The following BPTF variants were observed in gnomAD, a reference collection of about 807,000 sequenced individuals.
BPTF encodes the protein bromodomain PHD finger transcription factor.
A neutral mutation model predicts 292.5 loss-of-function variants in BPTF; 18 were observed. The observed-to-expected ratio is 0.06, with a 90% CI of 0.04 to 0.09. BPTF has a LOEUF of 0.09. Among genes scored for constraint, BPTF ranks in the 10% least tolerant of loss-of-function variants. BPTF has a pLI of 1.00. For synonymous variants in BPTF, 1,225 were observed against 1,251.9 expected, an observed-to-expected ratio of 0.98 and a Z score of 0.45; for missense variants, 2,726 against 3,498.7, an observed-to-expected ratio of 0.78 and a Z score of 5.57.
At chr17:67,881,027 A>G (rs2060368603) in intron 4 of BPTF, among the ~76,000 whole-genome samples, 1 of 152,028 alleles carries the variant, frequency 6.6e-6, no homozygotes, top group Admixed American at 6.6e-5. Context: ...TTGAAATAAA[A>G]TCTTGTCAGA....
rs773860490 is a variant in BPTF, at chr17:67,909,752, A to G, written c.2983A>G (p.Lys995Glu). 4 of 1,568,792 alleles carry G rather than the reference A, an allele frequency of 2.5e-6. No homozygotes were observed. Among genetic ancestry groups the G allele is most frequent in the African/African-American group, 1.4e-5 (1 of 72,616 alleles). Residue 995 changes from lysine to glutamate, a missense_variant, in exon 10 of 28, where the codon AAG (lysine) becomes GAG (glutamate). Transcript: ENST00000306378. Reference protein sequence around the residue: ...EMDISKITEKKDQDVKELLDS... With the variant: ...EMDISKITEKEDQDVKELLDS... Reference sequence around the variant, plus strand: ...GGATATCTCAAAGATTACTGAGAAGAAGGACCAAGGTAAGGAGAGTCAGCT... The same window carrying G: ...GGATATCTCAAAGATTACTGAGAAGGAGGACCAAGGTAAGGAGAGTCAGCT...
chr17:67,974,822 C>T (rs1555692956), intron 26 of BPTF: 1 of 152,290 alleles, frequency 6.6e-6, no homozygotes, highest in Admixed American at 6.5e-5. Flanking sequence ...TCAGCTGTAT[C>T]AGGAAGCTCT....
At chr17:67,836,977 G>A (rs2057180926) in intron 1 of BPTF, among the ~76,000 whole-genome samples, 1 of 152,138 alleles carries the variant, frequency 6.6e-6, no homozygotes, top group Non-Finnish European at 1.5e-5. Flanking sequence ...CCTTCTTCCA[G>A]GTATATTGGT....
At chr17:67,898,482 A>T (rs1462338927) in intron 7 of BPTF, among the ~76,000 whole-genome samples, 3 of 151,898 alleles carry the variant, frequency 2.0e-5, no homozygotes, top group Non-Finnish European at 4.4e-5. Flanking sequence ...TTACATTTTT[A>T]ATTTTTTCGT....
At chr17:67,835,683 T>G (rs2057069985) in intron 1 of BPTF, among the ~76,000 whole-genome samples, 3 of 151,132 alleles carry the variant, frequency 2.0e-5, no homozygotes, top group Non-Finnish European at 3.0e-5. Flanking sequence ...TTTTTTTTTT[T>G]GAGACGGAGT....
At chr17:67,828,265 G>C (rs2056303355) in intron 1 of BPTF, among the ~76,000 whole-genome samples, 1 of 152,002 alleles carries the variant, frequency 6.6e-6, no homozygotes, top group Admixed American at 6.6e-5. Context: ...TTTACCTTAA[G>C]AAATCACATG....
intron 11 of BPTF, among the ~76,000 whole-genome samples, chr17:67,915,393 C>T (rs1035366275): frequency 6.6e-6 from 1 of 152,180 alleles, no homozygotes. Context: ...GCATTTGTCA[C>T]CTGTAGATCA....
At chr17:67,847,313 G>A (rs1470627905) in intron 1 of BPTF, among the ~76,000 whole-genome samples, 1 of 151,904 alleles carries the variant, frequency 6.6e-6, no homozygotes, top group African/African-American at 2.4e-5. Context: ...TCAGGAGTTC[G>A]AGACCAGCCT....
chr17:67,907,692 C>CT (rs2062326220), intron 9 of BPTF, among the ~76,000 whole-genome samples: 2 of 152,090 alleles, frequency 1.3e-5, no homozygotes, highest in African/African-American at 2.4e-5. Context: ...TCACTGACCA[C>CT]TTTTTTTAAT....
chr17:67,832,861 C>T (rs2056825284), intron 1 of BPTF, among the ~76,000 whole-genome samples: 2 of 144,814 alleles, frequency 1.4e-5, no homozygotes, highest in Admixed American at 7.2e-5. Flanking sequence ...GATCTCAGCT[C>T]ACTGCAACCT....
At chr17:67,944,443 G>C (rs1189312820) in intron 20 of BPTF, 71 bp downstream of exon 20, 1 of 1,516,888 alleles carries the variant, frequency 6.6e-7, no homozygotes, top group Admixed American at 1.7e-5. Flanking sequence ...GAGGCCAACA[G>C]GAGAACCAGT....
chr17:67,911,350 A>G lies in BPTF; in HGVS notation c.3466A>G (p.Thr1156Ala), dbSNP rs2062638766. The G allele has an allele frequency of 6.2e-7, 1 of 1,614,030 alleles. No individual in the cohort carries two copies. Among genetic ancestry groups the G allele is most frequent in the Admixed American group, 1.7e-5 (1 of 59,988 alleles). Residue 1156 changes from threonine (T) to alanine (A), a missense_variant, in exon 11 of 28, where the codon ACC becomes GCC. By Grantham distance (58) the Thr-to-Ala change is moderately conservative. Coordinates refer to ENST00000306378, the MANE Select transcript of BPTF (RefSeq NM_182641.4). ...TCTTAGAATGAGTGATCCTAGTCAT[A>G]CCACAAACAAACTTTATCCAAAAGA... Reference protein sequence around the residue: ...SVLRMSDPSHTTNKLYPKDRV... With the variant: ...SVLRMSDPSHATNKLYPKDRV...
chr17:67,921,629 T>G (rs61700018), intron 13 of BPTF, among the ~76,000 whole-genome samples: 1 of 152,170 alleles, frequency 6.6e-6, no homozygotes, highest in Non-Finnish European at 1.5e-5. Context: ...TACAATTAAT[T>G]TTTGAAACTT....
At chr17:67,903,211 G>A (rs1347041009) in intron 7 of BPTF, among the ~76,000 whole-genome samples, 1 of 152,224 alleles carries the variant, frequency 6.6e-6, no homozygotes. Flanking sequence ...TTTAAAATCC[G>A]CAGTGCTTGT....
Position 67,910,996 on chromosome 17 carries a change from G to A in BPTF, c.3112G>A (p.Val1038Met). 6.2e-7 allele frequency: 1 copy of A among 1,614,044 alleles called. No homozygotes were observed. Among genetic ancestry groups the A allele is most frequent in the Non-Finnish European group, 8.5e-7 (1 of 1,179,948 alleles). ...VNCQESSQVD[V>M]VNVSEGFHLR... is the part of the protein sequence containing the mutation. ...TTGTCAGGAGAGTTCTCAAGTAGAT[G>A]TGGTCAATGTTAGTGAGGGTTTTCA... The change falls in exon 11 of 28, where the codon GTG (valine) becomes ATG (methionine). Residue 1038 changes from valine to methionine, a missense_variant. Physicochemically the swap from Val to Met is conservative, Grantham distance 21. Around this residue, in one of 22 missense-constraint regions of BPTF, gnomAD observed 713 missense variants for 714.9 expected, o/e 1.00. Transcript: ENST00000306378.
chr17:67,959,642 T>TCCAGCC lies in BPTF; in HGVS notation c.8030_8031insAGCCCC (p.Ala2676_Pro2677dup). The TCCAGCC allele has an allele frequency of 1.3e-6, 2 of 1,538,752 alleles. No homozygotes were observed. Among genetic ancestry groups the TCCAGCC allele is most frequent in the Non-Finnish European group, 1.8e-6 (2 of 1,142,350 alleles). On this transcript the variant is annotated inframe_insertion, in exon 24 of 28. Coordinates refer to ENST00000306378, the MANE Select transcript of BPTF (RefSeq NM_182641.4). ...CACCCTGCCCCCCAGTGACACCAGC[T>TCCAGCC]CCTCCAGCCCCTCCAGCCCCTCCAC...
Position 67,913,134 on chromosome 17 carries a change from T to A in BPTF, c.5250T>A (p.Ala1750=), listed in dbSNP as rs750362401. Residue 1750 remains alanine (A), a synonymous_variant, in exon 11 of 28, where the codon GCT becomes GCA. Coordinates refer to ENST00000306378, the MANE Select transcript of BPTF (RefSeq NM_182641.4). ...VPYFNYNAKP[A]LDIWPYPSPR... ...ATTTTAATTACAATGCAAAACCTGC[T>A]TTGGATATATGGCCATATCCTTCTC... 2 of 1,613,902 alleles carry A rather than the reference T, an allele frequency of 1.2e-6. No homozygotes were observed. The highest frequency in any genetic ancestry group is 2.7e-5 in the African/African-American group (2 of 74,880).
intron 23 of BPTF, among the ~76,000 whole-genome samples, chr17:67,950,051 C>CAAAAAAAAAAAAAAAAAAAA (rs567911150): frequency 1.5e-5 from 1 of 68,578 alleles, no homozygotes; most frequent in Non-Finnish European, 2.4e-5. Context: ...GAGACTGTCT[C>CAAAAAAAAAAAAAAAAAAAA]AAAAAAAAAA....
intron 19 of BPTF, among the ~76,000 whole-genome samples, chr17:67,941,879 A>G (rs188700617): frequency 2.6e-5 from 4 of 152,388 alleles, no homozygotes; most frequent in Admixed American, 2.0e-4. Flanking sequence ...ACCTCTGTTC[A>G]TCAAACTCAC....
Sources: allele counts gnomAD v4.1 joint callset (sites outside exome capture counted in the v4.1 genomes callset), GRCh38; gene constraint gnomAD v4.1.1; regional missense constraint gnomAD v4.1.1; transcripts MANE v1.5; gene names NCBI Gene and HGNC (gene_info 2026-07-23, HGNC 2026-07-21).